TNPO1: variants seen among roughly 807,000 people sequenced by gnomAD.
TNPO1 encodes transportin 1, also known as transportin-1.
A neutral mutation model predicts 119.5 loss-of-function variants in TNPO1; 8 were observed. That is an observed-to-expected ratio of 0.07 (90% CI 0.04 to 0.12). TNPO1 has a LOEUF of 0.12. Ranked by LOEUF, TNPO1 falls within the 10% of genes least tolerant of loss-of-function variation. TNPO1 has a pLI of 1.00. For missense variants in TNPO1, 576 were observed against 1,089.8 expected, an observed-to-expected ratio of 0.53 and a Z score of 6.64; for synonymous variants, 362 against 363.0, an observed-to-expected ratio of 1.00 and a Z score of 0.03.
chr5:72,874,809 GTT>G (rs1343186719), intron 7 of TNPO1, among the ~76,000 whole-genome samples: 2 of 152,152 alleles, frequency 1.3e-5, no homozygotes, highest in Admixed American at 6.5e-5. Context: ...TTAAATGCTT[GTT>G]TTACTGCTTT....
chr5:72,905,453 A>G lies in TNPO1; in HGVS notation c.*35+8A>G. ...GCAGTCCCAAAATTAGGGGTAAGTT[A>G]TAAGAAGTTTGGAAATTTTCAGGAT... is the stretch of plus-strand genomic sequence containing the variant. On this transcript the variant is annotated splice_region_variant and intron_variant, in intron 24 of 24. Coordinates refer to ENST00000337273, the MANE Select transcript of TNPO1 (RefSeq NM_002270.4). The G allele has an allele frequency of 1.4e-6, 2 of 1,423,204 alleles. No homozygotes were observed. The highest frequency in any genetic ancestry group is 1.9e-6 in the Non-Finnish European group (2 of 1,035,360). 88.2% of individuals were successfully genotyped at this position (1,423,204 alleles called of 1,614,324 possible).
intron 3 of TNPO1, among the ~76,000 whole-genome samples, chr5:72,853,718 TA>T (rs925672525): frequency 1.3e-5 from 2 of 152,110 alleles, no homozygotes; most frequent in East Asian, 3.8e-4. Flanking sequence ...TTTTCCATTT[TA>T]AAAAAATCTT....
chr5:72,854,701 G>A (rs1338765948), intron 3 of TNPO1, among the ~76,000 whole-genome samples: 1 of 152,164 alleles, frequency 6.6e-6, no homozygotes, highest in Non-Finnish European at 1.5e-5. Context: ...GTTAACTATT[G>A]CTAATATTGT....
Position 72,841,414 on chromosome 5 carries a change from G to A in TNPO1, c.16-6971G>A, listed in dbSNP as rs561959835. Among the ~76,000 whole-genome samples the A allele has an allele frequency of 3.7e-4, 56 of 150,924 alleles. 1 individual carries two copies. In the South Asian group the frequency reaches 0.011, roughly 29 times the overall value. ...AATACAGGCGTGAGCCACCGCGCCCGGCTCATTATAGACTTTTTTTTCCAC... is the reference window on the plus strand; with the variant it reads ...AATACAGGCGTGAGCCACCGCGCCCAGCTCATTATAGACTTTTTTTTCCAC... On this transcript the variant is annotated intron_variant, in intron 1 of 24. Coordinates refer to ENST00000337273, the MANE Select transcript of TNPO1 (RefSeq NM_002270.4).
At position 72,888,404 on chromosome 5, in the gene TNPO1, G is replaced by A. The variant is rs41271141; in HGVS notation, c.1529+101G>A. 381 of 1,054,894 alleles carry A rather than the reference G, an allele frequency of 3.6e-4. 3 individuals are homozygous for A. In the African/African-American group the frequency reaches 5.3e-3, roughly 15 times the overall value. The allele number at this position is 1,054,894 out of a possible 1,614,324, so 65.3% of individuals were successfully genotyped here. Reference sequence around the variant, plus strand: ...TGTTAAACCTATAATGAAGTGTTTCGTAATTGAAAATTTTCCAGTTATATC... The same window carrying A: ...TGTTAAACCTATAATGAAGTGTTTCATAATTGAAAATTTTCCAGTTATATC... On this transcript the variant is annotated intron_variant, in intron 13 of 24. Coordinates refer to ENST00000337273, the MANE Select transcript of TNPO1 (RefSeq NM_002270.4).
intron 5 of TNPO1, among the ~76,000 whole-genome samples, chr5:72,863,615 G>A (rs1244313000): frequency 1.3e-5 from 2 of 151,994 alleles, no homozygotes; most frequent in Non-Finnish European, 2.9e-5. Flanking sequence ...ACAAAAATTA[G>A]CCAGGCATGG....
At chr5:72,902,722 T>C (rs1219445434) in intron 22 of TNPO1, among the ~76,000 whole-genome samples, 1 of 152,188 alleles carries the variant, frequency 6.6e-6, no homozygotes, top group Non-Finnish European at 1.5e-5. Context: ...AATTTCTGTT[T>C]TATAACTTTT....
intron 6 of TNPO1, among the ~76,000 whole-genome samples, chr5:72,868,013 T>G (rs1747056049): frequency 1.3e-5 from 2 of 152,254 alleles, no homozygotes; most frequent in Admixed American, 1.3e-4. Context: ...TTTTTTCTAC[T>G]AGGTTATTTG....
chr5:72,841,339 G>C (rs959433421), intron 1 of TNPO1, among the ~76,000 whole-genome samples: 2 of 151,920 alleles, frequency 1.3e-5, no homozygotes, highest in African/African-American at 2.4e-5. Flanking sequence ...GGCTGGTCTC[G>C]AACTCCTGAC....
chr5:72,848,791 G>T (rs1745305954), intron 2 of TNPO1, among the ~76,000 whole-genome samples: 1 of 148,644 alleles, frequency 6.7e-6, no homozygotes, highest in Non-Finnish European at 1.5e-5. Flanking sequence ...CCGGGATCGC[G>T]ACATGTGCGC....
At chr5:72,839,116 C>T (rs888468106) in intron 1 of TNPO1, among the ~76,000 whole-genome samples, 2 of 152,108 alleles carry the variant, frequency 1.3e-5, no homozygotes, top group African/African-American at 4.8e-5. Context: ...TAGGCAGTGA[C>T]AGTAGTCCAT....
chr5:72,881,411 C>G (rs1262441892), intron 9 of TNPO1, among the ~76,000 whole-genome samples: 1 of 152,178 alleles, frequency 6.6e-6, no homozygotes, highest in East Asian at 1.9e-4. Context: ...ACATCAGAGC[C>G]ACGAATAAAC....
Position 72,906,275 on chromosome 5 carries a change from CTTTT to C in TNPO1, c.*35+865_*35+868del, listed in dbSNP as rs869051297. 8.5e-3 allele frequency among the ~76,000 whole-genome samples: 464 copies of C among 54,544 alleles called. 33 individuals carry two copies. The highest frequency in any genetic ancestry group is 0.012 in the Non-Finnish European group (353 of 29,456). 35.8% of individuals were successfully genotyped at this position (54,544 alleles called of 152,430 possible). A position where few individuals can be genotyped will look rare whatever the true frequency, so the allele number is the denominator to read the frequency against. On this transcript the variant is annotated intron_variant, in intron 24 of 24. Coordinates refer to ENST00000337273, the MANE Select transcript of TNPO1 (RefSeq NM_002270.4). ...CCATGTGCCCATCACTTTTTTTTTT[CTTTT>C]TTTTTTTTTTTTTTTTTTTTTTTTT...
At chr5:72,824,388 G>A (rs1239664754) in intron 1 of TNPO1, among the ~76,000 whole-genome samples, 1 of 152,042 alleles carries the variant, frequency 6.6e-6, no homozygotes, top group Non-Finnish European at 1.5e-5. Context: ...CTCTCCTCTA[G>A]TACTCTGTTA....
At chr5:72,889,727 A>G (rs531705187) in intron 13 of TNPO1, 59 bp from the exon 14 acceptor site, 11 of 1,503,548 alleles carry the variant, frequency 7.3e-6, no homozygotes, top group Admixed American at 2.3e-5. Context: ...CATTTTAGCA[A>G]TTAAGAGTTA....
At chr5:72,869,874 T>C (rs928115425) in intron 6 of TNPO1, among the ~76,000 whole-genome samples, 7 of 152,216 alleles carry the variant, frequency 4.6e-5, no homozygotes, top group Non-Finnish European at 8.8e-5. Context: ...GCCTTTGTTA[T>C]TGCCTTTGAT....
chr5:72,886,955 A>C (rs997848313), intron 11 of TNPO1, 115 bp from the exon 12 acceptor site: 2 of 969,010 alleles, frequency 2.1e-6, no homozygotes, highest in South Asian at 3.0e-5. Flanking sequence ...TATTCAATTG[A>C]ATTCTTATTT....
intron 3 of TNPO1, among the ~76,000 whole-genome samples, chr5:72,854,989 A>C (rs1276470859): frequency 1.3e-5 from 2 of 152,064 alleles, no homozygotes; most frequent in Non-Finnish European, 2.9e-5. Context: ...AAATGATTTC[A>C]AAAAATTTTT....
chr5:72,865,764 G>C, intron 6 of TNPO1, 35 bp downstream of exon 6: 1 of 1,575,352 alleles, frequency 6.3e-7, no homozygotes, highest in Non-Finnish European at 8.6e-7. Flanking sequence ...GATTAACTGT[G>C]ATATAAACCT....
Sources: allele counts gnomAD v4.1 joint callset (sites outside exome capture counted in the v4.1 genomes callset), GRCh38; gene constraint gnomAD v4.1.1; transcripts MANE v1.5; gene names NCBI Gene and HGNC (gene_info 2026-07-23, HGNC 2026-07-21).